Variants in FAM221B observed in about 807,000 individuals in gnomAD.
FAM221B encodes protein FAM221B.
Under a neutral mutation model 39.8 loss-of-function variants are expected in FAM221B, and 35 were observed. The ratio of observed to expected loss-of-function variants is 0.88; its 90% CI spans 0.67 to 1.17. The LOEUF is 1.17. Ranked by LOEUF, FAM221B falls within the 50% of genes most tolerant of loss-of-function variation. FAM221B has a pLI of 0.00. For synonymous variants in FAM221B, 158 were observed against 178.1 expected (o/e 0.89, Z 0.90); for missense variants, 479 against 503.1 (o/e 0.95, Z 0.46).
At chr9:35,827,253 C>G (rs899434763) in intron 1 of FAM221B, among the ~76,000 whole-genome samples, 6 of 152,204 alleles carry the variant, frequency 3.9e-5, no homozygotes. Context: ...TCCCCAAATG[C>G]ATTCTCTCCT....
Position 35,825,151 on chromosome 9 carries a change from T to C in FAM221B, c.742+79A>G, listed in dbSNP as rs1829297071. 6.5e-7 allele frequency: 1 copy of C among 1,543,928 alleles called. No homozygotes were observed. Among genetic ancestry groups the C allele is most frequent in the African/African-American group, 1.4e-5 (1 of 73,298 alleles). On this transcript the variant is annotated intron_variant, in intron 3 of 6. Coordinates refer to ENST00000423537, the MANE Select transcript of FAM221B (RefSeq NM_001012446.4). The surrounding 1 kb of genome is among the most constrained non-coding windows in gnomAD (Gnocchi z 4.2). ...CCAAAAGGGGAAGCTATCTGCTGAA[T>C]GTTCAGGTTCCCAGATCTTTTGGAT... is the stretch of plus-strand genomic sequence containing the variant.
In FAM221B at chr9:35,825,823, T is replaced by A; in HGVS notation, c.339A>T (p.Arg113=). 1 of 1,614,054 alleles carries A rather than the reference T, an allele frequency of 6.2e-7. No homozygotes were observed. Among genetic ancestry groups the A allele is most frequent in the Non-Finnish European group, 8.5e-7 (1 of 1,180,006 alleles). Residue 113 remains arginine (R), a synonymous_variant, in exon 2 of 7, where the codon CGA becomes CGT. Coordinates refer to ENST00000423537, the MANE Select transcript of FAM221B (RefSeq NM_001012446.4). The surrounding 1 kb of genome is among the most constrained non-coding windows in gnomAD (Gnocchi z 4.2). ...CAGAAGAAGACAGACAGACATAGTC[T>A]CGTGATTGGGGAGGAAGAGTAAGGT... ...EKHLTLPPQS[R]DYVCLSSSDT...
chr9:35,821,394 A>G (rs1416147942), intron 3 of FAM221B: 5 of 1,345,530 alleles, frequency 3.7e-6, no homozygotes, highest in South Asian at 1.1e-5. Context: ...GGTCAGGGCC[A>G]CAATTCACAA....
intron 3 of FAM221B, among the ~76,000 whole-genome samples, chr9:35,824,963 G>A (rs1829288117): frequency 6.6e-6 from 1 of 152,120 alleles, no homozygotes; most frequent in Non-Finnish European, 1.5e-5. Flanking sequence ...TTACAGGCGT[G>A]AGCCACCGCG....
Position 35,825,618 on chromosome 9 carries a change from C to A in FAM221B, c.544G>T (p.Gly182Ter). 1.2e-6 allele frequency: 2 copies of A among 1,614,124 alleles called. No individual in the cohort carries two copies. Among genetic ancestry groups the A allele is most frequent in the Non-Finnish European group, 1.7e-6 (2 of 1,180,008 alleles). ...QEEEAGEVEKGVDASDSTAHT... is the reference protein window; with the variant it reads ...QEEEAGEVEK ...GCAGTGCTGTCACTGGCATCTACTC[C>A]CTTTTCAACCTCTCCTGCTTCTTCC... Residue 182 changes from glycine to a stop codon, truncating the protein, a stop_gained, in exon 2 of 7, where the codon GGA (glycine) becomes TGA (stop). Coordinates refer to ENST00000423537, the MANE Select transcript of FAM221B (RefSeq NM_001012446.4). LOFTEE classifies it high-confidence loss of function. This position sits in a 1 kb window ranked among gnomAD's most constrained non-coding sequence, Gnocchi z 4.2.
At position 35,817,262 on chromosome 9, in the gene FAM221B, A is replaced by T. The variant is rs1829041498; in HGVS notation, c.*1207T>A. 6.6e-6 allele frequency: 1 copy of T among 152,250 alleles called. No individual in the cohort carries two copies. The allele number at this position is 152,250 out of a possible 1,614,324, so 9.4% of individuals were successfully genotyped here. On this transcript the variant is annotated 3_prime_UTR_variant, in exon 7 of 7. Transcript: ENST00000423537. ...ACAGTTTTCTCTACTTCAAGCACTT[A>T]TCACCTTCACTTGCCCTCATCTGAA...
intron 3 of FAM221B, among the ~76,000 whole-genome samples, chr9:35,823,725 C>T (rs955274496): frequency 1.4e-4 from 21 of 152,120 alleles, no homozygotes; most frequent in Admixed American, 1.1e-3. Flanking sequence ...AATACACTGG[C>T]ACAATCACGG....
chr9:35,819,831 A>G, intron 4 of FAM221B, 59 bp downstream of exon 4: 2 of 1,333,410 alleles, frequency 1.5e-6, no homozygotes, highest in South Asian at 2.4e-5. Context: ...ACTTCCCAAG[A>G]CATGACAGAG....
chr9:35,827,222 T>A (rs866951096), intron 1 of FAM221B, among the ~76,000 whole-genome samples: 2 of 152,236 alleles, frequency 1.3e-5, no homozygotes, highest in Non-Finnish European at 2.9e-5. Context: ...CCAATAACTC[T>A]ATTTCCTATC....
chr9:35,821,610 G>A (rs1347983475), intron 3 of FAM221B: 1 of 1,367,552 alleles, frequency 7.3e-7, no homozygotes, highest in Non-Finnish European at 9.8e-7. Flanking sequence ...GATTCCACTA[G>A]AGGAGTTCCG....
At chr9:35,824,823 AGGCAC>A (rs1829274380) in intron 3 of FAM221B, among the ~76,000 whole-genome samples, 1 of 151,836 alleles carries the variant, frequency 6.6e-6, no homozygotes, top group East Asian at 1.9e-4. Flanking sequence ...CTGGGACTAC[AGGCAC>A]CTGCCACCAC....
Position 35,828,496 on chromosome 9 carries a change from T to C in FAM221B, c.-34A>G, listed in dbSNP as rs139634348. 9.4e-4 allele frequency: 925 copies of C among 985,420 alleles called. 8 individuals carry two copies. In the African/African-American group the frequency reaches 0.015, roughly 16 times the overall value. 61.0% of individuals were successfully genotyped at this position (985,420 alleles called of 1,614,324 possible). A position where few individuals can be genotyped will look rare whatever the true frequency, so the allele number is the denominator to read the frequency against. ...CTTTGGCTTGGTTGTTACAAGTCCT[T>C]AGGTCAAGACCTTGACTTAGGATGG... On this transcript the variant is annotated 5_prime_UTR_variant, in exon 1 of 7. Coordinates refer to ENST00000423537, the MANE Select transcript of FAM221B (RefSeq NM_001012446.4). The surrounding 1 kb of genome is among the most constrained non-coding windows in gnomAD (Gnocchi z 4.5).
In FAM221B at chr9:35,817,105, A is replaced by G. The variant is rs1166825242; in HGVS notation, c.*1364T>C. On this transcript the variant is annotated 3_prime_UTR_variant, in exon 7 of 7. Transcript: ENST00000423537. ...GGTTATTCCTGTTTTACAGGTCCAG[A>G]AACTCAGCCTAAAGAGGGACAGTGA... The G allele has an allele frequency of 1.3e-5, 2 of 152,220 alleles. No homozygotes were observed. The highest frequency in any genetic ancestry group is 2.9e-5 in the Non-Finnish European group (2 of 68,044). 9.4% of individuals were successfully genotyped at this position (152,220 alleles called of 1,614,324 possible).
rs375980989 is a variant in FAM221B, at chr9:35,818,511, A to C, written c.1172-5T>G. On this transcript the variant is annotated splice_polypyrimidine_tract_variant and splice_region_variant and intron_variant, in intron 6 of 6. Transcript: ENST00000423537. ...AGTTGCTGACAGTGTCTGTCCCTGG[A>C]GGAAGAAAGAGCAGAGGTGAAAGGG... is the stretch of plus-strand genomic sequence containing the variant. The C allele has an allele frequency of 6.4e-7, 1 of 1,551,614 alleles. No homozygotes were observed. Among genetic ancestry groups the C allele is most frequent in the East Asian group, 2.4e-5 (1 of 40,918 alleles).
At chr9:35,819,646 C>T (rs1041593488) in intron 4 of FAM221B, among the ~76,000 whole-genome samples, 1 of 152,106 alleles carries the variant, frequency 6.6e-6, no homozygotes, top group African/African-American at 2.4e-5. Context: ...GTGCGTGCCA[C>T]CATGCCTGGC....
At chr9:35,824,807 G>A (rs1042183108) in intron 3 of FAM221B, among the ~76,000 whole-genome samples, 1 of 150,920 alleles carries the variant, frequency 6.6e-6, no homozygotes, top group Non-Finnish European at 1.5e-5. Flanking sequence ...TCAGCCTCCC[G>A]AGTAGCTGGG....
chr9:35,819,303 G>A lies in FAM221B; in HGVS notation c.945C>T (p.Leu315=). 6.4e-7 allele frequency: 1 copy of A among 1,551,728 alleles called. No homozygotes were observed. The highest frequency in any genetic ancestry group is 8.7e-7 in the Non-Finnish European group (1 of 1,147,002). The change falls in exon 5 of 7, where the codon CTC becomes CTT. Residue 315 remains leucine (L), a synonymous_variant. Coordinates refer to ENST00000423537, the MANE Select transcript of FAM221B (RefSeq NM_001012446.4). Reference sequence around the variant, plus strand: ...TGGGGTCAAAGGTGGCCCGTCTCTTGAGCCAGAACTCACCCACCTCCTCTG... The same window carrying A: ...TGGGGTCAAAGGTGGCCCGTCTCTTAAGCCAGAACTCACCCACCTCCTCTG... ...SRPEEVGEFW[L]KRRATFDPKA...
Position 35,826,124 on chromosome 9 carries a change from G to A in FAM221B, c.38C>T (p.Thr13Ile), listed in dbSNP as rs774683145. The change falls in exon 2 of 7, where the codon ACC (threonine) becomes ATC (isoleucine). Residue 13 changes from threonine to isoleucine, a missense_variant. Physicochemically the swap from Thr to Ile is moderately conservative, Grantham distance 89 (BLOSUM62 -1). Coordinates refer to ENST00000423537, the MANE Select transcript of FAM221B (RefSeq NM_001012446.4). ...AGGGGGGTGCTTCTCTGCATCCATG[G>A]TGATATGAGGCTCTTCTATGATCTC... ...AHEIIEEPHITMDAEKHPPSK... is the reference protein window; with the variant it reads ...AHEIIEEPHIIMDAEKHPPSK... 3 of 1,606,352 alleles carry A rather than the reference G, an allele frequency of 1.9e-6. No individual in the cohort carries two copies. Among genetic ancestry groups the A allele is most frequent in the Non-Finnish European group, 2.5e-6 (3 of 1,176,670 alleles).
chr9:35,821,026 G>C (rs1829138506), intron 3 of FAM221B, among the ~76,000 whole-genome samples: 2 of 152,140 alleles, frequency 1.3e-5, no homozygotes, highest in Non-Finnish European at 2.9e-5. Context: ...CCAATTAAAG[G>C]CTCAACTGAA....
Sources: allele counts gnomAD v4.1 joint callset (sites outside exome capture counted in the v4.1 genomes callset), GRCh38; gene constraint gnomAD v4.1.1; non-coding constraint Gnocchi (gnomAD v3.1); transcripts MANE v1.5; gene names NCBI Gene and HGNC (gene_info 2026-07-23, HGNC 2026-07-21).